NOM1: variants seen among roughly 807,000 people sequenced by gnomAD.
The protein encoded by NOM1 is nucleolar protein with MIF4G domain 1.
Under a neutral mutation model 73.3 loss-of-function variants are expected in NOM1, and 58 were observed. The ratio of observed to expected loss-of-function variants is 0.79; its 90% CI spans 0.64 to 0.99. The LOEUF (loss-of-function observed/expected upper bound fraction) is 0.99. Ranked by LOEUF, NOM1 falls within the 50% of genes least tolerant of loss-of-function variation. The pLI, the probability that NOM1 is intolerant of heterozygous loss-of-function variation, is 0.00. For missense variants in NOM1, 1,226 were observed against 1,131.9 expected (o/e 1.08, Z -1.19); for synonymous variants, 487 against 446.8 (o/e 1.09, Z -1.14).
At position 156,949,936 on chromosome 7, in the gene NOM1, G is replaced by A. The variant is rs551733686; in HGVS notation, c.199G>A (p.Gly67Arg). 1.2e-5 allele frequency: 18 copies of A among 1,542,062 alleles called. No individual in the cohort carries two copies. The East Asian group carries it at 2.2e-4, about 19-fold the overall frequency. ...SEGEAPGGCEGRGAPVSFRPG... is the reference protein window; with the variant it reads ...SEGEAPGGCERRGAPVSFRPG... ...AGGCGAGGCTCCCGGGGGTTGCGAG[G>A]GGCGCGGCGCCCCGGTGAGCTTTCG... Residue 67 changes from glycine to arginine, a missense_variant, in exon 1 of 11, where the codon GGG becomes AGG. By Grantham distance (125) the Gly-to-Arg change is moderately radical (BLOSUM62 -2). Transcript: ENST00000275820.
chr7:156,967,635 C>T (rs1359874978), intron 9 of NOM1, among the ~76,000 whole-genome samples: 1 of 152,228 alleles, frequency 6.6e-6, no homozygotes, highest in Non-Finnish European at 1.5e-5. Flanking sequence ...AGCGATTCTC[C>T]TGCCTCAGCC....
At chr7:156,968,733 A>G (rs1544578) in intron 9 of NOM1, 25,722 of 136,872 alleles carry the variant, frequency 0.19, 2,935 homozygotes, top group South Asian at 0.32. Flanking sequence ...ATATATATAT[A>G]GTTTTAATTA....
In NOM1 at chr7:156,960,013, A is replaced by G. The variant is rs1340540691; in HGVS notation, c.1471A>G (p.Ile491Val). Residue 491 changes from isoleucine to valine, a missense_variant, in exon 4 of 11, where the codon ATT becomes GTT. By Grantham distance (29) the Ile-to-Val change is conservative. Coordinates refer to ENST00000275820, the MANE Select transcript of NOM1 (RefSeq NM_138400.2). Reference sequence around the variant, plus strand: ...CATCTTCGACATTTTGAAAAAACTGATTGGAACTTTCACCGAAAAAGATAT... The same window carrying G: ...CATCTTCGACATTTTGAAAAAACTGGTTGGAACTTTCACCGAAAAAGATAT... ...LLIFDILKKL[I>V]GTFTEKDIEL... 1.2e-6 allele frequency: 2 copies of G among 1,614,026 alleles called. No homozygotes were observed. Among genetic ancestry groups the G allele is most frequent in the Non-Finnish European group, 1.7e-6 (2 of 1,180,038 alleles).
chr7:156,967,216 T>C (rs1805019866), intron 9 of NOM1, 124 bp downstream of exon 9: 1 of 1,185,274 alleles, frequency 8.4e-7, no homozygotes, highest in African/African-American at 1.5e-5. Context: ...TGAAAAGTGC[T>C]TGCATTATCC....
intron 8 of NOM1, among the ~76,000 whole-genome samples, chr7:156,966,749 TG>T (rs113651763): frequency 0.027 from 4,086 of 152,260 alleles, 179 homozygotes; most frequent in African/African-American, 0.093. Flanking sequence ...TCTGCTGATT[TG>T]GGGGGAAGAA....
intron 5 of NOM1, among the ~76,000 whole-genome samples, chr7:156,962,722 A>G (rs575659321): frequency 6.6e-6 from 1 of 152,294 alleles, no homozygotes; most frequent in East Asian, 1.9e-4. Context: ...TCTTCCAGGC[A>G]TGTGCTCACC....
chr7:156,963,853 G>A, intron 6 of NOM1, 52 bp from the exon 7 acceptor site: 1 of 1,582,654 alleles, frequency 6.3e-7, no homozygotes. Flanking sequence ...CCTCTCGGGA[G>A]GCAGTTTGCA....
Position 156,950,234 on chromosome 7 carries a change from C to G in NOM1, c.497C>G (p.Ala166Gly), listed in dbSNP as rs780643723. Residue 166 changes from alanine (A) to glycine (G), a missense_variant, in exon 1 of 11, where the codon GCC becomes GGC. Physicochemically the swap from Ala to Gly is moderately conservative, Grantham distance 60 (BLOSUM62 0). Coordinates refer to ENST00000275820, the MANE Select transcript of NOM1 (RefSeq NM_138400.2). ...ATAKTRPSAA[A>G]TAAARKRALL... ...GCAAAGACCAGACCCTCCGCAGCCG[C>G]CACCGCCGCTGCCCGGAAACGGGCG... is the stretch of plus-strand genomic sequence containing the variant. 4.3e-6 allele frequency: 7 copies of G among 1,612,898 alleles called. No homozygotes were observed. The highest frequency in any genetic ancestry group is 2.2e-5 in the South Asian group (2 of 91,054).
At chr7:156,951,623 A>C (rs1586563380) in intron 1 of NOM1, among the ~76,000 whole-genome samples, 2 of 152,184 alleles carry the variant, frequency 1.3e-5, no homozygotes, top group South Asian at 4.1e-4. Context: ...AGCAGTGAGG[A>C]TCGTGCCTTG....
intron 4 of NOM1, 142 bp from the exon 5 acceptor site, chr7:156,962,009 T>A: frequency 2.9e-6 from 2 of 689,864 alleles, no homozygotes; most frequent in Non-Finnish European, 5.2e-6. Flanking sequence ...GTTTAGACTG[T>A]CTCTACCTAA....
Position 156,949,945 on chromosome 7 carries a change from GC to G in NOM1, c.212del (p.Pro71ArgfsTer2). On this transcript the variant is annotated frameshift_variant, in exon 1 of 11. Transcript: ENST00000275820. LOFTEE classifies it high-confidence loss of function. The part of the protein sequence containing the change: ...EAPGGCEGRG[A>X]PVSFRPGGRK... Reference sequence around the variant, plus strand: ...TCCCGGGGGTTGCGAGGGGCGCGGCGCCCCGGTGAGCTTTCGCCCGGGAGGG... The same window carrying G: ...TCCCGGGGGTTGCGAGGGGCGCGGCGCCCGGTGAGCTTTCGCCCGGGAGGG... 2 of 1,541,700 alleles carry G rather than the reference GC, an allele frequency of 1.3e-6. No individual in the cohort carries two copies. Among genetic ancestry groups the G allele is most frequent in the South Asian group, 1.2e-5 (1 of 84,010 alleles).
At chr7:156,952,637 G>C (rs1471532842) in intron 2 of NOM1, 39 bp downstream of exon 2, 17 of 1,589,250 alleles carry the variant, frequency 1.1e-5, no homozygotes, top group Admixed American at 1.8e-5. Flanking sequence ...CACTTAGAGA[G>C]GTTGTCTGTT....
chr7:156,964,602 T>TTA lies in NOM1; in HGVS notation c.2033+576_2033+577insTA, dbSNP rs1804950913. Among the ~76,000 whole-genome samples, 3 of 152,070 alleles carry TTA rather than the reference T, an allele frequency of 2.0e-5. 1 individual carries two copies. Among genetic ancestry groups the TTA allele is most frequent in the African/African-American group, 7.3e-5 (3 of 41,346 alleles). On this transcript the variant is annotated intron_variant, in intron 7 of 10. Coordinates refer to ENST00000275820, the MANE Select transcript of NOM1 (RefSeq NM_138400.2). Reference sequence around the variant, plus strand: ...CATTTAAAAAGAAAAAAAAAATCTTTAAATGTACCTGTGTAGTTTTATGAG... The same window carrying TTA: ...CATTTAAAAAGAAAAAAAAAATCTTTTAAAATGTACCTGTGTAGTTTTATGAG...
chr7:156,962,290 T>C (rs376038556), intron 5 of NOM1, 29 bp downstream of exon 5: 37 of 1,530,998 alleles, frequency 2.4e-5, no homozygotes, highest in African/African-American at 1.5e-4. Flanking sequence ...AATTCTGTTT[T>C]GCTCAGAGCT....
intron 6 of NOM1, 179 bp downstream of exon 6, chr7:156,963,354 T>C: frequency 1.5e-6 from 1 of 667,200 alleles, no homozygotes; most frequent in South Asian, 1.8e-5. Flanking sequence ...AATTATTCCA[T>C]TTCTGTTGTA....
At chr7:156,969,307 C>T (rs1357400350) in intron 10 of NOM1, 111 bp downstream of exon 10, 11 of 771,802 alleles carry the variant, frequency 1.4e-5, no homozygotes, top group Middle Eastern at 4.8e-4. Flanking sequence ...TTAATCTTTT[C>T]GGTTTTATTT....
intron 6 of NOM1, chr7:156,963,517 C>A (rs2134791646): frequency 2.5e-6 from 1 of 405,220 alleles, no homozygotes; most frequent in African/African-American, 2.0e-5. Flanking sequence ...CTATGGATTT[C>A]ACATTGTGGA....
intron 3 of NOM1, among the ~76,000 whole-genome samples, chr7:156,958,149 G>C (rs887613): frequency 6.6e-6 from 1 of 151,000 alleles, no homozygotes; most frequent in African/African-American, 2.4e-5. Flanking sequence ...AAGACTGTCT[G>C]GTGGATCTCA....
intron 9 of NOM1, chr7:156,968,764 A>C: frequency 6.1e-6 from 1 of 163,284 alleles, no homozygotes; most frequent in Admixed American, 6.7e-5. Flanking sequence ...ACTTTTGGGA[A>C]TGGAGGTAAT....
Sources: gnomAD v4.1 joint callset for allele counts (sites outside exome capture counted in the v4.1 genomes callset) on GRCh38, gnomAD v4.1.1 for gene constraint, MANE v1.5 for transcripts, NCBI Gene and HGNC (gene_info 2026-07-23, HGNC 2026-07-21) for gene names.